Variants in BCL2L13 observed in about 807,000 individuals in gnomAD.
The protein encoded by BCL2L13 is bcl-2-like protein 13.
Under a neutral mutation model 25.8 loss-of-function variants are expected in BCL2L13, and 13 were observed. The ratio of observed to expected loss-of-function variants is 0.50; its 90% CI spans 0.33 to 0.80. BCL2L13 has a LOEUF of 0.80. BCL2L13 is among the 30% of genes least tolerant of loss of function. The pLI is 0.02. For synonymous variants in BCL2L13, 244 were observed against 230.3 expected (o/e 1.06, Z -0.54); for missense variants, 504 against 574.9 (o/e 0.88, Z 1.26).
At chr22:17,630,907 A>G (rs537185990) in intron 1 of BCL2L13, among the ~76,000 whole-genome samples, 1 of 151,760 alleles carries the variant, frequency 6.6e-6, no homozygotes, top group Admixed American at 6.6e-5. Context: ...TTTTTTTAAT[A>G]ACCTTACTTT....
Position 17,730,694 on chromosome 22 carries a change from A to G in BCL2L13, c.*3160A>G, listed in dbSNP as rs987821296. On this transcript the variant is annotated 3_prime_UTR_variant, in exon 7 of 7. Transcript: ENST00000317582. ...TTTCCAAGAATTTGAGGTGGTGATC[A>G]TACCCATCAAGACGGCCTTGTAGGC... is the stretch of plus-strand genomic sequence containing the variant. 2.0e-5 allele frequency: 3 copies of G among 152,192 alleles called. No individual in the cohort carries two copies. The highest frequency in any genetic ancestry group is 2.9e-5 in the Non-Finnish European group (2 of 68,038). 9.4% of individuals were successfully genotyped at this position (152,192 alleles called of 1,614,324 possible).
upstream of BCL2L13, among the ~76,000 whole-genome samples, chr22:17,636,371 G>A (rs1335015154): frequency 1.3e-5 from 2 of 151,556 alleles, no homozygotes; most frequent in African/African-American, 4.8e-5. Context: ...GCACAAGCCT[G>A]TGGTCCTTGA....
At chr22:17,638,750 T>A (rs1206718619), upstream of BCL2L13, 2 of 1,231,442 alleles carry the variant, frequency 1.6e-6, no homozygotes, top group African/African-American at 1.6e-5. Context: ...CACGCCGGGG[T>A]GACCTCACCC....
intron 2 of BCL2L13, among the ~76,000 whole-genome samples, chr22:17,661,574 T>G (rs1156980139): frequency 6.9e-6 from 1 of 145,984 alleles, no homozygotes; most frequent in Non-Finnish European, 1.6e-5. Flanking sequence ...TTTTAATGCT[T>G]TTTGAGAGCT....
intron 2 of BCL2L13, among the ~76,000 whole-genome samples, chr22:17,671,836 C>G (rs944475778): frequency 3.3e-5 from 5 of 152,180 alleles, no homozygotes; most frequent in Admixed American, 6.5e-5. Context: ...GCCTCAGCCT[C>G]CTGAGTAGCT....
At chr22:17,723,232 G>T (rs2145831137) in intron 6 of BCL2L13, among the ~76,000 whole-genome samples, 1 of 152,190 alleles carries the variant, frequency 6.6e-6, no homozygotes, top group East Asian at 1.9e-4. Context: ...CCATTCCAGT[G>T]GTCCTTACCC....
chr22:17,658,839 A>G (rs2058972161), intron 2 of BCL2L13, among the ~76,000 whole-genome samples: 1 of 151,146 alleles, frequency 6.6e-6, no homozygotes, highest in South Asian at 2.1e-4. Context: ...CAGTTCACTC[A>G]CAAGGTCAGA....
chr22:17,692,194 G>A (rs758368550), intron 4 of BCL2L13, among the ~76,000 whole-genome samples: 2 of 152,100 alleles, frequency 1.3e-5, no homozygotes, highest in Admixed American at 1.3e-4. Flanking sequence ...ATCCTGCCCC[G>A]CTCTTTTCTT....
intron 2 of BCL2L13, among the ~76,000 whole-genome samples, chr22:17,677,476 T>C (rs1272724961): frequency 6.6e-6 from 1 of 151,968 alleles, no homozygotes; most frequent in Non-Finnish European, 1.5e-5. Flanking sequence ...CTCATGCCTG[T>C]AATCCCAGCG....
intron 1 of BCL2L13, among the ~76,000 whole-genome samples, chr22:17,631,958 G>C (rs1274407719): frequency 6.6e-6 from 1 of 151,662 alleles, no homozygotes; most frequent in East Asian, 1.9e-4. Flanking sequence ...CTGACCTCGT[G>C]ATCTGCCCGC....
At chr22:17,643,274 C>A (rs1486583851) in intron 1 of BCL2L13, among the ~76,000 whole-genome samples, 1 of 151,952 alleles carries the variant, frequency 6.6e-6, no homozygotes, top group African/African-American at 2.4e-5. Flanking sequence ...GAATTTTTTA[C>A]CATTTGATAA....
chr22:17,714,013 G>T (rs1365961746), intron 6 of BCL2L13, among the ~76,000 whole-genome samples: 1 of 150,830 alleles, frequency 6.6e-6, no homozygotes, highest in African/African-American at 2.4e-5. Flanking sequence ...GCCAGGTGTG[G>T]CTGGGCGCGG....
At chr22:17,646,949 ATATATATTT>A (rs2058503999) in intron 1 of BCL2L13, among the ~76,000 whole-genome samples, 2 of 22,976 alleles carry the variant, frequency 8.7e-5, no homozygotes, top group Admixed American at 5.9e-4. Flanking sequence ...ATATATATAT[ATATATATTT>A]TTTTTTTTTT....
chr22:17,638,841 C>A lies in BCL2L13; in HGVS notation c.-96C>A. On this transcript the variant is annotated 5_prime_UTR_variant, in exon 1 of 7. Coordinates refer to ENST00000317582, the MANE Select transcript of BCL2L13 (RefSeq NM_015367.4). The stretch of plus-strand genomic sequence containing the variant: ...TGGGGGACCCTGTCGGAAGCAACTG[C>A]CGCCGCCGCCTCTTTCATCTCTTCT... 8.1e-7 allele frequency: 1 copy of A among 1,232,140 alleles called. No homozygotes were observed. 76.3% of individuals were successfully genotyped at this position (1,232,140 alleles called of 1,614,324 possible). A position where few individuals can be genotyped will look rare whatever the true frequency, so the allele number is the denominator to read the frequency against.
intron 2 of BCL2L13, among the ~76,000 whole-genome samples, chr22:17,657,424 G>T (rs1006441046): frequency 6.6e-6 from 1 of 152,068 alleles, no homozygotes; most frequent in African/African-American, 2.4e-5. Flanking sequence ...TATAGAAGAC[G>T]TACATGATCC....
At chr22:17,685,690 T>A (rs1227159890) in intron 3 of BCL2L13, among the ~76,000 whole-genome samples, 1 of 151,794 alleles carries the variant, frequency 6.6e-6, no homozygotes, top group Admixed American at 6.6e-5. Context: ...CTATTATGTA[T>A]AATGCTGCTG....
intron 1 of BCL2L13, among the ~76,000 whole-genome samples, chr22:17,651,549 T>G (rs1480713636): frequency 6.7e-6 from 1 of 149,534 alleles, no homozygotes; most frequent in East Asian, 2.0e-4. Context: ...GCCCGGCTAA[T>G]TTTTGTATTT....
intron 2 of BCL2L13, among the ~76,000 whole-genome samples, chr22:17,663,648 A>G (rs912286009): frequency 6.8e-6 from 1 of 147,944 alleles, no homozygotes; most frequent in Non-Finnish European, 1.5e-5. Flanking sequence ...GTGTGTTTGA[A>G]TGATTTCCTT....
intron 1 of BCL2L13, among the ~76,000 whole-genome samples, chr22:17,639,154 C>T (rs1452909348): frequency 6.6e-6 from 1 of 152,208 alleles, no homozygotes; most frequent in Non-Finnish European, 1.5e-5. Context: ...CGGAGGAGCT[C>T]GGCCCTGGCT....
Sources: allele counts gnomAD v4.1 joint callset (sites outside exome capture counted in the v4.1 genomes callset), GRCh38; gene constraint gnomAD v4.1.1; transcripts MANE v1.5; gene names NCBI Gene and HGNC (gene_info 2026-07-23, HGNC 2026-07-21).